Variants in SGSM1 observed in about 807,000 individuals in gnomAD.
The protein encoded by SGSM1 is RUN and TBC1 domain containing 2.
In SGSM1, 73 loss-of-function variants were observed where a neutral mutation model predicts 133.8. That is an observed-to-expected ratio of 0.55 (90% CI 0.45 to 0.66). The LOEUF (loss-of-function observed/expected upper bound fraction) is 0.66, where lower values mean the gene tolerates loss of function less well. Ranked by LOEUF, SGSM1 falls within the 30% of genes least tolerant of loss-of-function variation. The probability of loss-of-function intolerance (pLI) is 0.00; values close to 1 mark genes in which losing one functional copy is unlikely to be tolerated. For missense variants in SGSM1, 1,213 were observed against 1,448.1 expected, an observed-to-expected ratio of 0.84 and a Z score of 2.64; for synonymous variants, 563 against 573.0, an observed-to-expected ratio of 0.98 and a Z score of 0.25.
At chr22:24,864,286 C>T (rs1402445346) in intron 9 of SGSM1, among the ~76,000 whole-genome samples, 1 of 152,180 alleles carries the variant, frequency 6.6e-6, no homozygotes, top group Non-Finnish European at 1.5e-5. Context: ...CATCCCCTTA[C>T]CTTGTGACCC....
At chr22:24,827,148 T>G (rs1928845920) in intron 2 of SGSM1, among the ~76,000 whole-genome samples, 1 of 151,886 alleles carries the variant, frequency 6.6e-6, no homozygotes, top group African/African-American at 2.4e-5. Context: ...GAGGCAGGGA[T>G]GAGAAGCAAG....
chr22:24,815,705 C>T (rs1601884053), intron 2 of SGSM1, among the ~76,000 whole-genome samples: 2 of 152,154 alleles, frequency 1.3e-5, no homozygotes, highest in East Asian at 3.8e-4. Flanking sequence ...GAGATGGCGC[C>T]ACTGGAGGGC....
rs1367608636 is a variant in SGSM1 at position 24,926,559 on chromosome 22, A to G, written c.*2285A>G. ...TGATTCCTATTTATTTTTTTAACAG[A>G]CTAGTCTCAAAGTACAGCACAAAAT... On this transcript the variant is annotated 3_prime_UTR_variant, in exon 25 of 25. Transcript: ENST00000400358. 6.6e-6 allele frequency: 1 copy of G among 152,140 alleles called. No individual in the cohort carries two copies. The highest frequency in any genetic ancestry group is 1.5e-5 in the Non-Finnish European group (1 of 68,038). The allele number at this position is 152,140 out of a possible 1,614,324, so 9.4% of individuals were successfully genotyped here. A position where few individuals can be genotyped will look rare whatever the true frequency, so the allele number is the denominator to read the frequency against.
intron 2 of SGSM1, among the ~76,000 whole-genome samples, chr22:24,831,949 A>G (rs1468391061): frequency 6.6e-6 from 1 of 152,186 alleles, no homozygotes; most frequent in Admixed American, 6.5e-5. Context: ...TGAGTCCTAG[A>G]GAGGAGGCCT....
chr22:24,860,124 C>G (rs1931042617), intron 9 of SGSM1, among the ~76,000 whole-genome samples: 1 of 152,190 alleles, frequency 6.6e-6, no homozygotes, highest in African/African-American at 2.4e-5. Context: ...TAGAGATCTC[C>G]TAAGCCTGCA....
At chr22:24,923,201 A>G (rs2024647) in intron 24 of SGSM1, among the ~76,000 whole-genome samples, 32,404 of 152,122 alleles carry the variant, frequency 0.21, 4,115 homozygotes, top group East Asian at 0.55. Flanking sequence ...AACTCACTCC[A>G]GCTAACAGTT....
At position 24,913,828 on chromosome 22, in the gene SGSM1, C is replaced by T. The variant is rs555194707; in HGVS notation, c.2928+1076C>T. 7.7e-4 allele frequency among the ~76,000 whole-genome samples: 115 copies of T among 148,974 alleles called. 1 individual carries two copies. Among genetic ancestry groups the T allele is most frequent in the African/African-American group, 2.5e-3 (101 of 40,418 alleles). On this transcript the variant is annotated intron_variant, in intron 22 of 24. Transcript: ENST00000400358. The stretch of plus-strand genomic sequence containing the variant: ...TGAGGTCAGGAGTTTGAGACCAGCC[C>T]GGCCAACATGGTGAAACCCCATCTC...
chr22:24,897,260 A>G (rs1932941771), intron 18 of SGSM1, among the ~76,000 whole-genome samples: 1 of 151,824 alleles, frequency 6.6e-6, no homozygotes, highest in South Asian at 2.1e-4. Context: ...AGTGCCTGTA[A>G]TCCCAGCTAC....
At chr22:24,875,129 A>G (rs1869575050) in intron 12 of SGSM1, among the ~76,000 whole-genome samples, 1 of 152,088 alleles carries the variant, frequency 6.6e-6, no homozygotes. Context: ...TCAGGGTATT[A>G]CCAGTTGTCC....
At chr22:24,882,750 A>ATATTTGTG (rs1932402066) in intron 14 of SGSM1, among the ~76,000 whole-genome samples, 1 of 152,134 alleles carries the variant, frequency 6.6e-6, no homozygotes, top group South Asian at 2.1e-4. Flanking sequence ...TATAAGTAAG[A>ATATTTGTG]ACATGTGATA....
chr22:24,898,667 C>T, intron 19 of SGSM1, 108 bp downstream of exon 19: 3 of 1,115,786 alleles, frequency 2.7e-6, no homozygotes, highest in Non-Finnish European at 2.5e-6. Context: ...ACCTCTGGTT[C>T]GTTGCATTTT....
At chr22:24,845,553 A>G (rs1930045689) in intron 3 of SGSM1, among the ~76,000 whole-genome samples, 1 of 152,208 alleles carries the variant, frequency 6.6e-6, no homozygotes, top group Non-Finnish European at 1.5e-5. Flanking sequence ...CAGTGTGTAC[A>G]TAGAAGTGGG....
chr22:24,849,616 C>A (rs6004317), intron 4 of SGSM1, among the ~76,000 whole-genome samples: 35,534 of 152,066 alleles, frequency 0.23, 6,678 homozygotes, highest in African/African-American at 0.51. Flanking sequence ...ATGGAGGGGA[C>A]GACAGAAAAG....
At chr22:24,869,224 C>T (rs1266326410) in intron 12 of SGSM1, among the ~76,000 whole-genome samples, 2 of 152,064 alleles carry the variant, frequency 1.3e-5, no homozygotes, top group Non-Finnish European at 1.5e-5. Context: ...CGAGGTAAGG[C>T]GGCCGGGCAT....
chr22:24,850,216 C>A, intron 4 of SGSM1, 64 bp from the exon 5 acceptor site: 1 of 1,453,424 alleles, frequency 6.9e-7, no homozygotes, highest in Non-Finnish European at 9.3e-7. Flanking sequence ...CTCCCATTTG[C>A]CAATTAGTCC....
chr22:24,881,714 C>A (rs1028229447), intron 14 of SGSM1, among the ~76,000 whole-genome samples: 1 of 152,212 alleles, frequency 6.6e-6, no homozygotes, highest in Non-Finnish European at 1.5e-5. Flanking sequence ...TCCTCCTCCT[C>A]CTCATCATCA....
At position 24,850,392 on chromosome 22, in the gene SGSM1, G is replaced by A; in HGVS notation, c.415G>A (p.Val139Ile). Residue 139 changes from valine (V) to isoleucine (I), a missense_variant, in exon 5 of 25, where the codon GTC becomes ATC. Transcript: ENST00000400358. ...GATTCGCACAGCCTTGTTTGAGAAG[G>A]TCCTGGACAAAATTGTGCATTACCT... The part of the protein sequence containing the change: ...LWIRTALFEK[V>I]LDKIVHYLVE... The A allele has an allele frequency of 6.2e-7, 1 of 1,614,002 alleles. No homozygotes were observed. Among genetic ancestry groups the A allele is most frequent in the Non-Finnish European group, 8.5e-7 (1 of 1,179,894 alleles).
rs1187358812 is a variant in SGSM1, at chr22:24,859,800, C to A, written c.886C>A (p.Leu296Met). Residue 296 changes from leucine (L) to methionine (M), a missense_variant, in exon 9 of 25, where the codon CTG (leucine) becomes ATG (methionine). Physicochemically the swap from Leu to Met is conservative, Grantham distance 15 (BLOSUM62 2). Coordinates refer to ENST00000400358, the MANE Select transcript of SGSM1 (RefSeq NM_001098497.3). The stretch of plus-strand genomic sequence containing the variant: ...GACCTTGAAGTGGACACCCAACCAG[C>A]TGATGAACGGGTCTGTGGGGGACCT... ...VMTLKWTPNQ[L>M]MNGSVGDLDY... The A allele has an allele frequency of 6.2e-7, 1 of 1,613,944 alleles. No homozygotes were observed. The highest frequency in any genetic ancestry group is 8.5e-7 in the Non-Finnish European group (1 of 1,179,864).
At position 24,886,599 on chromosome 22, in the gene SGSM1, G is replaced by A; in HGVS notation, c.1642-1G>A. The A allele has an allele frequency of 6.4e-7, 1 of 1,552,006 alleles. No individual in the cohort carries two copies. The highest frequency in any genetic ancestry group is 8.7e-7 in the Non-Finnish European group (1 of 1,147,086). ...TCTTTGCTCCTCTCCACCCACCACAGAGTTACGAGGAGCAGGAGCTGCTGC... is the reference window on the plus strand; with the variant it reads ...TCTTTGCTCCTCTCCACCCACCACAAAGTTACGAGGAGCAGGAGCTGCTGC... On this transcript the variant is annotated splice_acceptor_variant, in intron 15 of 24. Coordinates refer to ENST00000400358, the MANE Select transcript of SGSM1 (RefSeq NM_001098497.3). LOFTEE classifies it high-confidence loss of function.
Sources: gnomAD v4.1 joint callset for allele counts (sites outside exome capture counted in the v4.1 genomes callset) on GRCh38, gnomAD v4.1.1 for gene constraint, MANE v1.5 for transcripts, NCBI Gene and HGNC (gene_info 2026-07-23, HGNC 2026-07-21) for gene names.